PHLDB2: variants seen among roughly 807,000 people sequenced by gnomAD.
PHLDB2 encodes pleckstrin homology-like domain family B member 2.
PHLDB2 carries 71 observed loss-of-function variants against 123.6 expected under a neutral mutation model. The ratio of observed to expected loss-of-function variants is 0.57; its 90% CI spans 0.47 to 0.70. The LOEUF (loss-of-function observed/expected upper bound fraction) is 0.70, where lower values mean the gene tolerates loss of function less well. Ranked by LOEUF, PHLDB2 falls within the 30% of genes least tolerant of loss-of-function variation. The pLI, the probability that PHLDB2 is intolerant of heterozygous loss-of-function variation, is 0.00. For missense variants in PHLDB2, 1,446 were observed against 1,519.5 expected (o/e 0.95, Z 0.80); for synonymous variants, 547 against 541.6 (o/e 1.01, Z -0.14).
At chr3:111,856,237 T>C (rs2064500611), upstream of PHLDB2, among the ~76,000 whole-genome samples, 1 of 152,186 alleles carries the variant, frequency 6.6e-6, no homozygotes. Context: ...CCAGTGAGGA[T>C]TACTTTTTGT....
At chr3:111,783,240 T>C (rs2060549389) in intron 1 of PHLDB2, among the ~76,000 whole-genome samples, 1 of 152,110 alleles carries the variant, frequency 6.6e-6, no homozygotes, top group African/African-American at 2.4e-5. Context: ...TGTACAAATC[T>C]TCTACGGGGC....
chr3:111,853,003 C>T (rs937360014), intron 2 of PHLDB2, among the ~76,000 whole-genome samples: 10 of 152,072 alleles, frequency 6.6e-5, no homozygotes, highest in Non-Finnish European at 1.0e-4. Flanking sequence ...AGGTGTTTCC[C>T]TTTTTATGCC....
chr3:111,750,757 G>C (rs954457902), intron 1 of PHLDB2, among the ~76,000 whole-genome samples: 1 of 151,980 alleles, frequency 6.6e-6, no homozygotes, highest in Non-Finnish European at 1.5e-5. Context: ...ATCAGCCTGG[G>C]CAACATGGTG....
At chr3:111,965,241 TGG>T (rs2071675988) in intron 13 of PHLDB2, among the ~76,000 whole-genome samples, 1 of 152,228 alleles carries the variant, frequency 6.6e-6, no homozygotes, top group Non-Finnish European at 1.5e-5. Context: ...CTCTTTCATG[TGG>T]GAGAAAACAC....
intron 1 of PHLDB2, among the ~76,000 whole-genome samples, chr3:111,823,549 A>C (rs4555492): frequency 1.3e-5 from 2 of 151,998 alleles, no homozygotes; most frequent in Non-Finnish European, 2.9e-5. Context: ...TCTGCATGAC[A>C]TTCCTCTCAC....
At chr3:111,905,548 G>C (rs2067463906) in intron 2 of PHLDB2, among the ~76,000 whole-genome samples, 1 of 151,962 alleles carries the variant, frequency 6.6e-6, no homozygotes, top group Non-Finnish European at 1.5e-5. Context: ...GTAGAGACAG[G>C]GTTTCACCAT....
At chr3:111,943,080 G>GAAC (rs1408433970) in intron 8 of PHLDB2, among the ~76,000 whole-genome samples, 2 of 152,046 alleles carry the variant, frequency 1.3e-5, no homozygotes, top group Non-Finnish European at 2.9e-5. Flanking sequence ...AAAGAGCCTA[G>GAAC]AACAGCCAAA....
At chr3:111,757,177 T>C (rs2059906425) in intron 1 of PHLDB2, among the ~76,000 whole-genome samples, 1 of 152,244 alleles carries the variant, frequency 6.6e-6, no homozygotes, top group South Asian at 2.1e-4. Flanking sequence ...CTGTATTTCC[T>C]TAATCTGAAT....
intron 1 of PHLDB2, among the ~76,000 whole-genome samples, chr3:111,819,773 A>G (rs1161481396): frequency 6.6e-6 from 1 of 152,194 alleles, no homozygotes; most frequent in Non-Finnish European, 1.5e-5. Flanking sequence ...TAGAATATAC[A>G]ATGACTTATT....
intron 2 of PHLDB2, among the ~76,000 whole-genome samples, chr3:111,913,035 T>G (rs2067978125): frequency 1.3e-5 from 2 of 152,232 alleles, no homozygotes; most frequent in Admixed American, 1.3e-4. Flanking sequence ...AAAGGCTTAC[T>G]GAGTGCTGAT....
intron 9 of PHLDB2, among the ~76,000 whole-genome samples, chr3:111,946,715 C>A (rs998815317): frequency 2.0e-5 from 3 of 152,164 alleles, no homozygotes; most frequent in Admixed American, 6.5e-5. Flanking sequence ...GAAATATGGT[C>A]TACTGCATGT....
chr3:111,815,469 G>A (rs2062032583), intron 1 of PHLDB2, among the ~76,000 whole-genome samples: 1 of 152,170 alleles, frequency 6.6e-6, no homozygotes, highest in Admixed American at 6.5e-5. Flanking sequence ...CTCAGATGAA[G>A]ATGAGGAATT....
At chr3:111,795,398 C>T (rs1576629404) in intron 1 of PHLDB2, among the ~76,000 whole-genome samples, 1 of 152,148 alleles carries the variant, frequency 6.6e-6, no homozygotes, top group East Asian at 1.9e-4. Flanking sequence ...AATGCAGTTG[C>T]TTCTGTTCTC....
intron 1 of PHLDB2, chr3:111,732,798 G>A: frequency 1.9e-6 from 2 of 1,079,760 alleles, no homozygotes; most frequent in Non-Finnish European, 2.7e-6. Context: ...AGGAGGGTCT[G>A]CTGGAGATAT....
chr3:111,781,859 T>C (rs4682311), intron 1 of PHLDB2, among the ~76,000 whole-genome samples: 142,267 of 152,102 alleles, frequency 0.94, 66,591 homozygotes, highest in East Asian at 1. Flanking sequence ...GTGGTTCCTA[T>C]ACTCCCTTTA....
At chr3:111,959,522 A>C (rs931987572) in intron 12 of PHLDB2, among the ~76,000 whole-genome samples, 2 of 152,226 alleles carry the variant, frequency 1.3e-5, no homozygotes, top group African/African-American at 2.4e-5. Context: ...CTACCACCAG[A>C]ATGACTGGGA....
intron 13 of PHLDB2, among the ~76,000 whole-genome samples, chr3:111,964,863 A>C (rs184960932): frequency 1.2e-3 from 176 of 152,306 alleles, no homozygotes; most frequent in South Asian, 6.8e-3. Context: ...GCTATTGGTG[A>C]GTTTGTTTTG....
chr3:111,924,180 C>A (rs1264747733), intron 5 of PHLDB2, among the ~76,000 whole-genome samples: 3 of 152,182 alleles, frequency 2.0e-5, no homozygotes, highest in Non-Finnish European at 4.4e-5. Flanking sequence ...GGCTCAAGAT[C>A]AGTGTTAGTT....
chr3:111,744,328 A>G (rs1372261190), intron 1 of PHLDB2, among the ~76,000 whole-genome samples: 2 of 152,212 alleles, frequency 1.3e-5, no homozygotes, highest in African/African-American at 4.8e-5. Context: ...CCTTCCGCAC[A>G]TTGCTGCTGG....
Sources: allele counts gnomAD v4.1 joint callset (sites outside exome capture counted in the v4.1 genomes callset), GRCh38; gene constraint gnomAD v4.1.1; transcripts MANE v1.5; gene names NCBI Gene and HGNC (gene_info 2026-07-23, HGNC 2026-07-21).